The following EDA variants were observed in gnomAD, a reference collection of about 807,000 sequenced individuals.
The protein encoded by EDA is ectodysplasin A.
Under a neutral mutation model 23.6 loss-of-function variants are expected in EDA, and 2 were observed. The ratio of observed to expected loss-of-function variants is 0.08; its 90% confidence interval spans 0.03 to 0.27. EDA has a LOEUF of 0.27. Ranked by LOEUF, EDA falls within the 10% of genes least tolerant of loss-of-function variation. EDA has a pLI of 1.00. For missense variants in EDA, 229 were observed against 324.2 expected (o/e 0.71, Z 2.26); for synonymous variants, 131 against 132.0 (o/e 0.99, Z 0.05).
At chrX:69,707,482 G>A (rs963111276) in intron 1 of EDA, among the ~76,000 whole-genome samples, 1 of 111,838 alleles carries the variant, frequency 8.9e-6, no homozygotes, top group African/African-American at 3.2e-5. Context: ...TTACGATAAA[G>A]TCAGACATCT....
chrX:69,747,907 A>C (rs1435559017), intron 1 of EDA, among the ~76,000 whole-genome samples: 1 of 111,894 alleles, frequency 8.9e-6, no homozygotes, highest in East Asian at 2.8e-4. Context: ...AAATTGACAG[A>C]TCAAGAGCAG....
intron 1 of EDA, among the ~76,000 whole-genome samples, chrX:69,769,425 T>G (rs1178574005): frequency 8.9e-6 from 1 of 111,778 alleles, no homozygotes; most frequent in Non-Finnish European, 1.9e-5. Context: ...GTGTTTCCTG[T>G]TAAGCAGTAT....
At position 69,753,870 on chromosome X, in the gene EDA, T is replaced by TGG. The variant is rs1157568664; in HGVS notation, c.396+137167_396+137168insGG. On this transcript the variant is annotated intron_variant, in intron 1 of 7. Transcript: ENST00000374552. Reference sequence around the variant, plus strand: ...TTTTCATCTTTGTTGGTTTAAAGTCTGTTTTATCAGAGACTAGGATTGCAA... The same window carrying TGG: ...TTTTCATCTTTGTTGGTTTAAAGTCTGGGTTTTATCAGAGACTAGGATTGCAA... Among the ~76,000 whole-genome samples, 313 of 104,168 alleles carry TGG rather than the reference T, an allele frequency of 3.0e-3. 1 individual carries two copies. The highest frequency in any genetic ancestry group is 0.011 in the African/African-American group (303 of 28,497). The allele number at this position is 104,168 out of a possible 115,157, so 90.5% of individuals were successfully genotyped here.
chrX:69,868,518 C>T lies in EDA; in HGVS notation c.397-88509C>T, dbSNP rs537970619. Among the ~76,000 whole-genome samples, 36 of 112,099 alleles carry T rather than the reference C, an allele frequency of 3.2e-4. 1 individual carries two copies. In the South Asian group the frequency reaches 0.013, roughly 41 times the overall value. On this transcript the variant is annotated intron_variant, in intron 1 of 7. Transcript: ENST00000374552. Reference sequence around the variant, plus strand: ...GTTTTAGTTGAATATATTTCCCATCCTCTGGCATGCAAATGTCTCACCAGT... The same window carrying T: ...GTTTTAGTTGAATATATTTCCCATCTTCTGGCATGCAAATGTCTCACCAGT...
chrX:69,714,865 A>G (rs780457860), intron 1 of EDA, among the ~76,000 whole-genome samples: 264 of 110,201 alleles, frequency 2.4e-3, no homozygotes, highest in Middle Eastern at 4.7e-3. Context: ...TGTTCTACCT[A>G]TTCTGGGGCC....
At chrX:69,651,548 G>C (rs1933105464) in intron 1 of EDA, among the ~76,000 whole-genome samples, 1 of 111,144 alleles carries the variant, frequency 9.0e-6, no homozygotes, top group African/African-American at 3.3e-5. Flanking sequence ...CAAGACTTTA[G>C]TTTTGATGAA....
intron 1 of EDA, among the ~76,000 whole-genome samples, chrX:69,728,591 G>A (rs1455047646): frequency 8.9e-6 from 1 of 112,244 alleles, no homozygotes; most frequent in East Asian, 2.8e-4. Flanking sequence ...GGAAAAGTTG[G>A]CAGGAAGATG....
At position 69,669,677 on chromosome X, in the gene EDA, A is replaced by G. The variant is rs1244180573; in HGVS notation, c.396+52973A>G. On this transcript the variant is annotated intron_variant, in intron 1 of 7. Transcript: ENST00000374552. The stretch of plus-strand genomic sequence containing the variant: ...TTTTTTTCTTTTTCTTTTTCTTTTC[A>G]ACTTTTATTTTAGATTCACATGGTA... Among the ~76,000 whole-genome samples, 4 of 107,510 alleles carry G rather than the reference A, an allele frequency of 3.7e-5. No homozygotes were observed. The Admixed American group carries it at 4.0e-4, about 11-fold the overall frequency. The allele number at this position is 107,510 out of a possible 115,157, so 93.4% of individuals were successfully genotyped here.
In EDA at chrX:69,693,438, A is replaced by G. The variant is rs1267076300; in HGVS notation, c.396+76734A>G. On this transcript the variant is annotated intron_variant, in intron 1 of 7. Coordinates refer to ENST00000374552, the MANE Select transcript of EDA (RefSeq NM_001399.5). ...ATAAATTAAGTGCTATATATATACT[A>G]TCGTTACTATAATAACATTTCCACC... 1.2e-4 allele frequency among the ~76,000 whole-genome samples: 13 copies of G among 111,682 alleles called. No individual in the cohort carries two copies. In the Admixed American group the frequency reaches 1.2e-3, roughly 11 times the overall value.
chrX:69,975,826 A>T (rs551913728), intron 2 of EDA, among the ~76,000 whole-genome samples: 11 of 105,883 alleles, frequency 1.0e-4, no homozygotes, highest in Admixed American at 6.7e-4. Context: ...TGGGTTACAT[A>T]AAAAAAATCT....
intron 1 of EDA, among the ~76,000 whole-genome samples, chrX:69,847,278 G>T (rs1042408639): frequency 1.8e-5 from 2 of 111,642 alleles, no homozygotes; most frequent in African/African-American, 6.5e-5. Flanking sequence ...AAATATTGGG[G>T]ATACTGATAA....
chrX:70,028,647 G>C (rs1306825034), intron 4 of EDA, among the ~76,000 whole-genome samples: 1 of 112,591 alleles, frequency 8.9e-6, no homozygotes, highest in Non-Finnish European at 1.9e-5. Context: ...AGTGCTTCTT[G>C]CACTAGATCC....
intron 1 of EDA, among the ~76,000 whole-genome samples, chrX:69,793,827 T>C (rs149040627): frequency 0.016 from 1,725 of 110,765 alleles, 31 homozygotes; most frequent in African/African-American, 0.055. Context: ...CTCCTATTTT[T>C]AGCTTCTAGC....
rs149601091 is a variant in EDA, at chrX:69,781,378, T to G, written c.396+164674T>G. Among the ~76,000 whole-genome samples the G allele has an allele frequency of 6.3e-4, 71 of 111,887 alleles. 1 individual carries two copies. The East Asian group carries it at 0.019, about 30-fold the overall frequency. ...TCATCAGCAGTTTATGATGGTTCTG[T>G]TTCATCACAACCTCACCAATACTTA... On this transcript the variant is annotated intron_variant, in intron 1 of 7. Transcript: ENST00000374552.
intron 1 of EDA, among the ~76,000 whole-genome samples, chrX:69,856,254 GGT>G (rs202079519): frequency 0.024 from 1,833 of 74,881 alleles, 21 homozygotes; most frequent in South Asian, 0.053. Flanking sequence ...AGTATTCCAT[GGT>G]GTGTGTGTGT....
chrX:69,850,195 T>C (rs959990804), intron 1 of EDA, among the ~76,000 whole-genome samples: 22 of 112,086 alleles, frequency 2.0e-4, no homozygotes, highest in Non-Finnish European at 3.9e-4. Flanking sequence ...TAAAAACAGA[T>C]GGCCAGTACC....
intron 1 of EDA, among the ~76,000 whole-genome samples, chrX:69,653,945 A>C (rs1343640426): frequency 5.4e-5 from 6 of 111,758 alleles, no homozygotes; most frequent in Non-Finnish European, 7.5e-5. Flanking sequence ...TCAAAATTGA[A>C]AAATGGGATC....
At chrX:69,823,717 C>T (rs2016312276) in intron 1 of EDA, among the ~76,000 whole-genome samples, 1 of 95,730 alleles carries the variant, frequency 1.0e-5, no homozygotes, top group Non-Finnish European at 2.0e-5. Context: ...TCCCATTTGT[C>T]AATTTTGGCT....
rs1463797895 is a variant in EDA, at chrX:70,035,613, C to A, written c.*4C>A. 2.5e-6 allele frequency: 3 copies of A among 1,202,814 alleles called. No homozygotes were observed. The highest frequency in any genetic ancestry group is 3.6e-5 in the African/African-American group (2 of 55,151). ...GGGTGAAGCCCCTGCATCCTAGATT[C>A]CCCCCATTTTGCCTCTGTCCGTGCC... On this transcript the variant is annotated 3_prime_UTR_variant, in exon 8 of 8. Transcript: ENST00000374552.
Sources: allele counts gnomAD v4.1 joint callset (sites outside exome capture counted in the v4.1 genomes callset), GRCh38; gene constraint gnomAD v4.1.1; transcripts MANE v1.5; gene names NCBI Gene and HGNC (gene_info 2026-07-23, HGNC 2026-07-21).